The following TOP1 variants were observed in gnomAD, a reference collection of about 807,000 sequenced individuals.
TOP1 encodes the protein DNA topoisomerase I, also known as DNA topoisomerase 1.
A neutral mutation model predicts 111.1 loss-of-function variants in TOP1; 10 were observed. That is an observed-to-expected ratio of 0.09 (90% CI 0.06 to 0.15). The LOEUF (loss-of-function observed/expected upper bound fraction) is 0.15, where lower values mean the gene tolerates loss of function less well. TOP1 is among the 10% of genes least tolerant of loss of function. The probability of loss-of-function intolerance (pLI) is 1.00; values close to 1 mark genes in which losing one functional copy is unlikely to be tolerated. For missense variants in TOP1, 474 were observed against 926.7 expected, an observed-to-expected ratio of 0.51 and a Z score of 6.34; for synonymous variants, 271 against 302.9, an observed-to-expected ratio of 0.89 and a Z score of 1.10.
In TOP1 at chr20:41,077,875, A is replaced by G. The variant is rs532111364; in HGVS notation, c.335+238A>G. ...GTTATTTCGAATAGAGAAGGTTGAC[A>G]GGAGAGATTTTTAAAAATTGAGATT... On this transcript the variant is annotated intron_variant, in intron 5 of 20. Coordinates refer to ENST00000361337, the MANE Select transcript of TOP1 (RefSeq NM_003286.4). 7.9e-5 allele frequency among the ~76,000 whole-genome samples: 12 copies of G among 152,262 alleles called. No homozygotes were observed. The East Asian group carries it at 1.9e-3, about 24-fold the overall frequency.
chr20:41,075,295 C>T (rs565462925), intron 3 of TOP1, among the ~76,000 whole-genome samples: 45 of 152,284 alleles, frequency 3.0e-4, no homozygotes. Context: ...CCTCAGCCTC[C>T]CGAGTAGCTG....
chr20:41,076,847 C>T (rs957855684), intron 4 of TOP1, among the ~76,000 whole-genome samples: 1 of 152,192 alleles, frequency 6.6e-6, no homozygotes, highest in Non-Finnish European at 1.5e-5. Flanking sequence ...CTCTTCACCC[C>T]TGACTCACTG....
chr20:41,041,660 T>C (rs2033266444), intron 2 of TOP1, among the ~76,000 whole-genome samples: 1 of 152,072 alleles, frequency 6.6e-6, no homozygotes, highest in Admixed American at 6.5e-5. Flanking sequence ...AAAATACATA[T>C]TCCTACTCGT....
Position 41,061,618 on chromosome 20 carries a change from C to A in TOP1, c.155+128C>A. ...AAAGTAAGTAGAAACTGTATTTGAT[C>A]CTAGAGTTGCTATGAGGATGGCCAT... On this transcript the variant is annotated intron_variant, in intron 3 of 20. Coordinates refer to ENST00000361337, the MANE Select transcript of TOP1 (RefSeq NM_003286.4). The surrounding 1 kb of genome is among the most constrained non-coding windows in gnomAD (Gnocchi z 4.6). 3 of 786,138 alleles carry A rather than the reference C, an allele frequency of 3.8e-6. No individual in the cohort carries two copies. Among genetic ancestry groups the A allele is most frequent in the Non-Finnish European group, 6.0e-6 (3 of 496,188 alleles). 48.7% of individuals were successfully genotyped at this position (786,138 alleles called of 1,614,324 possible).
intron 7 of TOP1, 109 bp from the exon 8 acceptor site, chr20:41,084,353 G>C: frequency 3.4e-6 from 2 of 592,488 alleles, no homozygotes; most frequent in African/African-American, 1.9e-5. Context: ...ATCTTCTTTA[G>C]TTCTAATACT....
intron 9 of TOP1, among the ~76,000 whole-genome samples, chr20:41,093,187 T>C (rs992107744): frequency 6.6e-6 from 1 of 152,196 alleles, no homozygotes; most frequent in Admixed American, 6.5e-5. Flanking sequence ...TTATCTGTCG[T>C]TGGTATTTGT....
At chr20:41,068,249 A>G (rs562323510) in intron 3 of TOP1, among the ~76,000 whole-genome samples, 8 of 152,200 alleles carry the variant, frequency 5.3e-5, no homozygotes, top group Non-Finnish European at 1.2e-4. Context: ...AATGTCATCA[A>G]ATTCTGAACC....
At position 41,079,449 on chromosome 20, in the gene TOP1, A is replaced by T. The variant is rs2033764309; in HGVS notation, c.336-636A>T. On this transcript the variant is annotated intron_variant, in intron 5 of 20. Coordinates refer to ENST00000361337, the MANE Select transcript of TOP1 (RefSeq NM_003286.4). The surrounding 1 kb of genome is among the most constrained non-coding windows in gnomAD (Gnocchi z 4.0). ...TAAGATCTTAACAAATAGTAGTGAG[A>T]CACTCTTCTGTATATAAAGTAAACC... Among the ~76,000 whole-genome samples the T allele has an allele frequency of 6.6e-6, 1 of 152,234 alleles. No individual in the cohort carries two copies. The highest frequency in any genetic ancestry group is 1.5e-5 in the Non-Finnish European group (1 of 68,044).
chr20:41,031,063 G>A (rs959554932), intron 2 of TOP1, among the ~76,000 whole-genome samples: 2 of 152,154 alleles, frequency 1.3e-5, no homozygotes, highest in Non-Finnish European at 2.9e-5. Context: ...TTTTGTCTGA[G>A]GGTGGGGAAA....
At chr20:41,107,003 G>A (rs1462805401) in intron 13 of TOP1, among the ~76,000 whole-genome samples, 1 of 152,046 alleles carries the variant, frequency 6.6e-6, no homozygotes, top group Admixed American at 6.5e-5. Context: ...AGTGTTTCTT[G>A]TATCTCATAC....
Position 41,029,526 on chromosome 20 carries a change from C to A in TOP1, c.58+71C>A. On this transcript the variant is annotated intron_variant, in intron 2 of 20. Transcript: ENST00000361337. This position sits in a 1 kb window ranked among gnomAD's most constrained non-coding sequence, Gnocchi z 6.1. Reference sequence around the variant, plus strand: ...CCGCCTCCCCCGCGCCCTGCCGGTGCCGGGCAGAGGACAGACATGGCGTCC... The same window carrying A: ...CCGCCTCCCCCGCGCCCTGCCGGTGACGGGCAGAGGACAGACATGGCGTCC... 2.4e-6 allele frequency: 3 copies of A among 1,268,652 alleles called. No individual in the cohort carries two copies. Among genetic ancestry groups the A allele is most frequent in the South Asian group, 2.5e-5 (2 of 80,020 alleles). 78.6% of individuals were successfully genotyped at this position (1,268,652 alleles called of 1,614,324 possible). A position where few individuals can be genotyped will look rare whatever the true frequency, so the allele number is the denominator to read the frequency against.
Position 41,112,695 on chromosome 20 carries a change from C to T in TOP1, c.1309-87C>T. 6.9e-7 allele frequency: 1 copy of T among 1,446,362 alleles called. No homozygotes were observed. The allele number at this position is 1,446,362 out of a possible 1,614,324, so 89.6% of individuals were successfully genotyped here. A position where few individuals can be genotyped will look rare whatever the true frequency, so the allele number is the denominator to read the frequency against. The stretch of plus-strand genomic sequence containing the variant: ...CCTATTAGCTAGCTGGGATTATAGG[C>T]TTGCGCCACCTTGCCTGGCTATATT... On this transcript the variant is annotated intron_variant, in intron 13 of 20. Transcript: ENST00000361337. The surrounding 1 kb of genome is among the most constrained non-coding windows in gnomAD (Gnocchi z 5.8).
chr20:41,084,371 T>G (rs969810079), intron 7 of TOP1, 91 bp from the exon 8 acceptor site: 1 of 666,316 alleles, frequency 1.5e-6, no homozygotes, highest in African/African-American at 1.8e-5. Context: ...ACTCTATGAT[T>G]ACAATTTTTC....
At chr20:41,081,313 G>A (rs2145938441) in intron 7 of TOP1, 73 bp downstream of exon 7, 3 of 1,501,408 alleles carry the variant, frequency 2.0e-6, no homozygotes, top group Admixed American at 2.4e-5. Flanking sequence ...AACTTCTTAA[G>A]ACAAATGAGT....
rs1896247067 is a variant in TOP1, at chr20:41,061,153, A to T, written c.59-241A>T. Among the ~76,000 whole-genome samples the T allele has an allele frequency of 6.6e-6, 1 of 152,204 alleles. No homozygotes were observed. The highest frequency in any genetic ancestry group is 2.4e-5 in the African/African-American group (1 of 41,448). ...GCCAAACTGTGGCTTCTTTCCACAGAATAATTGGCTCTCATTTCCTTATCC... is the reference window on the plus strand; with the variant it reads ...GCCAAACTGTGGCTTCTTTCCACAGTATAATTGGCTCTCATTTCCTTATCC... On this transcript the variant is annotated intron_variant, in intron 2 of 20. Transcript: ENST00000361337. This position sits in a 1 kb window ranked among gnomAD's most constrained non-coding sequence, Gnocchi z 4.6.
Position 41,081,220 on chromosome 20 carries a change from A to G in TOP1, c.487A>G (p.Arg163Gly). ...AGAAGATACCAAGAAGGAGAAGAAA[A>G]GAAAACTAGAAGAAGAAGAGGTTAG... ...KTEDTKKEKK[R>G]KLEEEEDGKL... Residue 163 changes from arginine (R) to glycine (G), a missense_variant, in exon 7 of 21, where the codon AGA (arginine) becomes GGA (glycine). Arg to Gly is a moderately radical substitution (Grantham distance 125). Transcript: ENST00000361337. 1 of 1,605,864 alleles carries G rather than the reference A, an allele frequency of 6.2e-7. No homozygotes were observed. Among genetic ancestry groups the G allele is most frequent in the Non-Finnish European group, 8.5e-7 (1 of 1,174,736 alleles).
At chr20:41,062,880 T>C (rs1412966406) in intron 3 of TOP1, among the ~76,000 whole-genome samples, 1 of 152,254 alleles carries the variant, frequency 6.6e-6, no homozygotes, top group East Asian at 1.9e-4. Flanking sequence ...TTATAGGTTT[T>C]TCCCATCCAA....
Position 41,080,088 on chromosome 20 carries a change from A to G in TOP1, c.339A>G (p.Pro113=). 6.2e-7 allele frequency: 1 copy of G among 1,607,718 alleles called. No homozygotes were observed. The highest frequency in any genetic ancestry group is 8.5e-7 in the Non-Finnish European group (1 of 1,176,026). ...KKEKENGFSS[P]PQIKDEPEDD... is the part of the protein sequence containing the mutation. ...CAGCAATTTTTTTTCTCTTTAGTCC[A>G]CCACAAATTAAAGATGAACCTGAAG... is the stretch of plus-strand genomic sequence containing the variant. Residue 113 remains proline, a synonymous_variant, in exon 6 of 21, where the codon CCA becomes CCG. Coordinates refer to ENST00000361337, the MANE Select transcript of TOP1 (RefSeq NM_003286.4). The surrounding 1 kb of genome is among the most constrained non-coding windows in gnomAD (Gnocchi z 5.0).
In TOP1 at chr20:41,122,966, A is replaced by G. The variant is rs1381216391; in HGVS notation, c.2196-229A>G. On this transcript the variant is annotated intron_variant, in intron 20 of 20. Coordinates refer to ENST00000361337, the MANE Select transcript of TOP1 (RefSeq NM_003286.4). This position sits in a 1 kb window ranked among gnomAD's most constrained non-coding sequence, Gnocchi z 5.4. ...TACCTAACGTCTCTGCCTCAGTTTC[A>G]TCTGTACGTTTTTCACTTGTACATC... Among the ~76,000 whole-genome samples the G allele has an allele frequency of 1.3e-5, 2 of 152,224 alleles. No homozygotes were observed. Among genetic ancestry groups the G allele is most frequent in the African/African-American group, 4.8e-5 (2 of 41,452 alleles).
Sources: gnomAD v4.1 joint callset for allele counts (sites outside exome capture counted in the v4.1 genomes callset) on GRCh38, gnomAD v4.1.1 for gene constraint, Gnocchi (gnomAD v3.1) non-coding constraint, MANE v1.5 for transcripts, NCBI Gene and HGNC (gene_info 2026-07-23, HGNC 2026-07-21) for gene names.